Variants in EPB41 observed in about 807,000 individuals in gnomAD.
EPB41 encodes erythrocyte membrane protein band 4.1, also known as protein 4.1.
A neutral mutation model predicts 108.0 loss-of-function variants in EPB41; 65 were observed. That is an observed-to-expected ratio of 0.60 (90% CI 0.49 to 0.74). EPB41 has a LOEUF of 0.74. Ranked by LOEUF, EPB41 falls within the 30% of genes least tolerant of loss-of-function variation. The pLI, the probability that EPB41 is intolerant of heterozygous loss-of-function variation, is 0.00. For synonymous variants in EPB41, 336 were observed against 358.9 expected, an observed-to-expected ratio of 0.94 and a Z score of 0.72; for missense variants, 875 against 1,037.0, an observed-to-expected ratio of 0.84 and a Z score of 2.15.
chr1:28,906,928 C>T (rs1387631967), intron 1 of EPB41, among the ~76,000 whole-genome samples: 4 of 151,118 alleles, frequency 2.6e-5, no homozygotes, highest in Non-Finnish European at 4.4e-5. Flanking sequence ...TACAGGCACC[C>T]GCCACCAAGC....
chr1:29,047,824 T>C (rs1643757823), intron 11 of EPB41, among the ~76,000 whole-genome samples: 1 of 27,540 alleles, frequency 3.6e-5, no homozygotes, highest in South Asian at 2.1e-3. Flanking sequence ...GTTTCACTCT[T>C]GCTGCCCAGG....
intron 17 of EPB41, among the ~76,000 whole-genome samples, chr1:29,101,317 A>G (rs539912694): frequency 1.3e-5 from 2 of 152,182 alleles, no homozygotes; most frequent in Non-Finnish European, 2.9e-5. Flanking sequence ...GCAAGTTGCT[A>G]ATCTCTCTAA....
chr1:28,951,837 C>A (rs1045772353), intron 1 of EPB41, among the ~76,000 whole-genome samples: 16 of 152,036 alleles, frequency 1.1e-4, no homozygotes, highest in African/African-American at 3.9e-4. Flanking sequence ...CTGATTGTGC[C>A]ATCGTACTGC....
chr1:29,097,832 T>A lies in EPB41; in HGVS notation c.2210T>A (p.Val737Asp). 1.2e-6 allele frequency: 2 copies of A among 1,614,000 alleles called. No homozygotes were observed. Among genetic ancestry groups the A allele is most frequent in the Non-Finnish European group, 1.7e-6 (2 of 1,179,904 alleles). ...EGPPLVKTQT[V>D]TISDNANAVK... ...CCTCCCCTGGTGAAGACACAAACTG[T>A]CACCATCTCAGATAATGCCAATGCT... Residue 737 changes from valine to aspartate, a missense_variant, in exon 17 of 21, where the codon GTC becomes GAC. By Grantham distance (152) the Val-to-Asp change is radical. Around this residue, in one of 3 missense-constraint regions of EPB41, gnomAD observed 519 missense variants for 627.3 expected, o/e 0.83. Coordinates refer to ENST00000343067, the MANE Select transcript of EPB41 (RefSeq NM_001376013.1).
chr1:28,910,328 T>C (rs2092170556), upstream of EPB41, among the ~76,000 whole-genome samples: 2 of 152,196 alleles, frequency 1.3e-5, no homozygotes, highest in African/African-American at 4.8e-5. Flanking sequence ...AAGTCTAAAA[T>C]AACTGTGATT....
chr1:29,041,895 A>C (rs1219127171), intron 11 of EPB41, among the ~76,000 whole-genome samples: 1 of 152,186 alleles, frequency 6.6e-6, no homozygotes, highest in Admixed American at 6.5e-5. Flanking sequence ...AAGAGTTTTC[A>C]TGAGGAATAA....
At chr1:28,990,521 A>G (rs752677420) in intron 2 of EPB41, among the ~76,000 whole-genome samples, 9 of 151,730 alleles carry the variant, frequency 5.9e-5, no homozygotes, top group Non-Finnish European at 1.2e-4. Flanking sequence ...CCCGGGCTCA[A>G]GCTATCCTCC....
At chr1:29,103,875 C>T (rs1311890184) in intron 17 of EPB41, among the ~76,000 whole-genome samples, 5 of 152,186 alleles carry the variant, frequency 3.3e-5, no homozygotes, top group Admixed American at 1.3e-4. Context: ...CCACGTTGGT[C>T]AGGCTGGTTT....
chr1:29,070,196 GA>G (rs1428866252), intron 16 of EPB41: 1 of 450,186 alleles, frequency 2.2e-6, no homozygotes, highest in Non-Finnish European at 3.6e-6. Context: ...TTGTGTTACA[GA>G]AACTTTGCCA....
At chr1:29,067,291 A>G (rs912677245) in intron 16 of EPB41, among the ~76,000 whole-genome samples, 3 of 151,570 alleles carry the variant, frequency 2.0e-5, no homozygotes, top group Admixed American at 6.6e-5. Flanking sequence ...AGGTCAGGAG[A>G]TCGAGACCAT....
chr1:28,887,434 G>A lies in EPB41; in HGVS notation c.-8+224G>A. The A allele has an allele frequency of 1.0e-6, 1 of 985,418 alleles. No individual in the cohort carries two copies. The highest frequency in any genetic ancestry group is 1.2e-6 in the Non-Finnish European group (1 of 829,912). The allele number at this position is 985,418 out of a possible 1,614,324, so 61.0% of individuals were successfully genotyped here. A position where few individuals can be genotyped will look rare whatever the true frequency, so the allele number is the denominator to read the frequency against. ...TCAGGGTGCAGGGAGGGGCGTGGGAGTCTGGAGAGGGGGTCCGGGAGCTCG... is the reference window on the plus strand; with the variant it reads ...TCAGGGTGCAGGGAGGGGCGTGGGAATCTGGAGAGGGGGTCCGGGAGCTCG... On this transcript the variant is annotated intron_variant, in intron 1 of 16. Coordinates refer to the EPB41 transcript ENST00000347529. The surrounding 1 kb of genome is among the most constrained non-coding windows in gnomAD (Gnocchi z 4.9).
At chr1:28,987,205 C>G (rs569052935) in intron 1 of EPB41, among the ~76,000 whole-genome samples, 2 of 152,246 alleles carry the variant, frequency 1.3e-5, no homozygotes, top group South Asian at 4.1e-4. Context: ...TTAAGCTACT[C>G]TCTCTGTGTG....
At chr1:28,915,731 C>CTTTTTTTTTTT (rs11321625) in intron 1 of EPB41, among the ~76,000 whole-genome samples, 6 of 56,074 alleles carry the variant, frequency 1.1e-4, no homozygotes, top group African/African-American at 1.6e-4. Flanking sequence ...TTTTCAGATG[C>CTTTTTTTTTTT]TTTTTTTTTT....
At chr1:28,929,654 G>A (rs781331251) in intron 1 of EPB41, among the ~76,000 whole-genome samples, 2 of 151,624 alleles carry the variant, frequency 1.3e-5, no homozygotes, top group Admixed American at 6.6e-5. Flanking sequence ...GCCTCAGCCC[G>A]CCGAGTAGCT....
In EPB41 at chr1:29,118,267, C is replaced by G. The variant is rs1671315274; in HGVS notation, c.*1455C>G. ...GGATGACAGGCGCACACCACCACGC[C>G]CAGCAAATTTTTTGTATTTTTAGTA... On this transcript the variant is annotated 3_prime_UTR_variant, in exon 21 of 21. Transcript: ENST00000343067. 6.6e-6 allele frequency: 1 copy of G among 152,102 alleles called. No individual in the cohort carries two copies. The highest frequency in any genetic ancestry group is 2.4e-5 in the African/African-American group (1 of 41,404). The allele number at this position is 152,102 out of a possible 1,614,324, so 9.4% of individuals were successfully genotyped here.
At chr1:29,006,310 C>T (rs1293606387) in intron 4 of EPB41, among the ~76,000 whole-genome samples, 1 of 147,746 alleles carries the variant, frequency 6.8e-6, no homozygotes, top group Non-Finnish European at 1.5e-5. Flanking sequence ...GATCTTGGCT[C>T]ACTGCAAGCT....
chr1:29,019,746 A>T (rs1233877523), intron 7 of EPB41, among the ~76,000 whole-genome samples: 1 of 152,096 alleles, frequency 6.6e-6, no homozygotes, highest in East Asian at 1.9e-4. Flanking sequence ...GATTGCATGG[A>T]TTGGGATGCT....
chr1:29,049,634 G>A (rs144198540), intron 11 of EPB41, among the ~76,000 whole-genome samples: 1 of 152,298 alleles, frequency 6.6e-6, no homozygotes, highest in African/African-American at 2.4e-5. Flanking sequence ...AATTGTGCTA[G>A]TAAATAACAG....
rs528137788 is a variant in EPB41 at position 28,904,532 on chromosome 1, T to A, written c.-8+17322T>A. Among the ~76,000 whole-genome samples, 286 of 152,256 alleles carry A rather than the reference T, an allele frequency of 1.9e-3. 5 individuals are homozygous for A. Among genetic ancestry groups the A allele is most frequent in the Admixed American group, 0.017 (258 of 15,282 alleles). On this transcript the variant is annotated intron_variant, in intron 1 of 16. Coordinates refer to the EPB41 transcript ENST00000347529. ...TGGTATTTGGAAATGGAGTAATTAATCAGGGAAGTAATTAGGATAAGATGA... is the reference window on the plus strand; with the variant it reads ...TGGTATTTGGAAATGGAGTAATTAAACAGGGAAGTAATTAGGATAAGATGA...
Sources: allele counts gnomAD v4.1 joint callset (sites outside exome capture counted in the v4.1 genomes callset), GRCh38; gene constraint gnomAD v4.1.1; regional missense constraint gnomAD v4.1.1; non-coding constraint Gnocchi (gnomAD v3.1); transcripts MANE v1.5; gene names NCBI Gene and HGNC (gene_info 2026-07-23, HGNC 2026-07-21).